Variants in EVC observed in about 807,000 individuals in gnomAD.
The protein encoded by EVC is evC complex member EVC.
EVC carries 116 observed loss-of-function variants against 118.9 expected under a neutral mutation model. That is an observed-to-expected ratio of 0.98 (90% CI 0.84 to 1.14). EVC has a LOEUF of 1.14. EVC is among the 50% of genes most tolerant of loss of function. The pLI, the probability that EVC is intolerant of heterozygous loss-of-function variation, is 0.00. For missense variants in EVC, 1,401 were observed against 1,246.4 expected, an observed-to-expected ratio of 1.12 and a Z score of -1.87; for synonymous variants, 619 against 534.7, an observed-to-expected ratio of 1.16 and a Z score of -2.18.
chr4:5,793,635 A>C lies in EVC; in HGVS notation c.1804A>C (p.Ser602Arg), dbSNP rs779847840. 1.8e-5 allele frequency: 28 copies of C among 1,551,722 alleles called. No homozygotes were observed. The highest frequency in any genetic ancestry group is 2.2e-5 in the Non-Finnish European group (25 of 1,147,338). Residue 602 changes from serine to arginine, a missense_variant, in exon 13 of 21, where the codon AGC becomes CGC. Coordinates refer to ENST00000264956, the MANE Select transcript of EVC (RefSeq NM_153717.3). ...GTGGATGGAGGAGTGTGCGCTGTCCAGCGTGCTGCAGACACACCTGCGGGA... is the reference window on the plus strand; with the variant it reads ...GTGGATGGAGGAGTGTGCGCTGTCCCGCGTGCTGCAGACACACCTGCGGGA... Reference protein sequence around the residue: ...QVWMEECALSSVLQTHLREDH... With the variant: ...QVWMEECALSRVLQTHLREDH...
rs1736006178 is a variant in EVC, at chr4:5,783,765, G to A, written c.1776+1G>A. 1 of 1,607,678 alleles carries A rather than the reference G, an allele frequency of 6.2e-7. No individual in the cohort carries two copies. The highest frequency in any genetic ancestry group is 8.5e-7 in the Non-Finnish European group (1 of 1,176,884). ...GGAGCTCCTAGAGCAAGACCAGCAG[G>A]TGCGGGCATTTGGGAACCCAGGGGC... On this transcript the variant is annotated splice_donor_variant, in intron 12 of 20. Coordinates refer to ENST00000264956, the MANE Select transcript of EVC (RefSeq NM_153717.3). LOFTEE classifies it high-confidence loss of function.
intron 16 of EVC, 62 bp from the exon 17 acceptor site, chr4:5,804,668 C>A: frequency 6.7e-7 from 1 of 1,488,680 alleles, no homozygotes; most frequent in Non-Finnish European, 9.4e-7. Flanking sequence ...GCACCTGCCC[C>A]AGACCTGGCA....
In EVC at chr4:5,777,607, T is replaced by C. The variant is rs191779466; in HGVS notation, c.1564-5945T>C. On this transcript the variant is annotated intron_variant, in intron 11 of 20. Transcript: ENST00000264956. ...TAGATCTTTGCAACTTTTATGAAGA[T>C]TTAATAATTATTTTGTCCACTTATC... Among the ~76,000 whole-genome samples the C allele has an allele frequency of 2.6e-5, 4 of 152,324 alleles. No homozygotes were observed. In the East Asian group the frequency reaches 5.8e-4, roughly 22 times the overall value.
chr4:5,792,267 G>A (rs148277069), intron 12 of EVC, among the ~76,000 whole-genome samples: 1 of 152,286 alleles, frequency 6.6e-6, no homozygotes, highest in Non-Finnish European at 1.5e-5. Context: ...TGGCATTACA[G>A]GAGACACAGC....
In EVC at chr4:5,780,006, G is replaced by T. The variant is rs1488914555; in HGVS notation, c.1564-3546G>T. ...TCATAGATAGCTCTTATTATTTTGA[G>T]ATACGTCCCATCAATACCTAATTGA... On this transcript the variant is annotated intron_variant, in intron 11 of 20. Coordinates refer to ENST00000264956, the MANE Select transcript of EVC (RefSeq NM_153717.3). Among the ~76,000 whole-genome samples, 3 of 152,136 alleles carry T rather than the reference G, an allele frequency of 2.0e-5. No homozygotes were observed. In the East Asian group the frequency reaches 5.8e-4, roughly 29 times the overall value.
rs1205290410 is a variant in EVC at position 5,755,462 on chromosome 4, C to T, written c.1465-802C>T. 6.6e-6 allele frequency among the ~76,000 whole-genome samples: 1 copy of T among 152,130 alleles called. No individual in the cohort carries two copies. The highest frequency in any genetic ancestry group is 1.5e-5 in the Non-Finnish European group (1 of 68,018). ...TGGAATGGGTGGGAGAATGAACGAACGACACCAGGCTCCCAGTACACACTC... is the reference window on the plus strand; with the variant it reads ...TGGAATGGGTGGGAGAATGAACGAATGACACCAGGCTCCCAGTACACACTC... On this transcript the variant is annotated intron_variant, in intron 10 of 20. Coordinates refer to ENST00000264956, the MANE Select transcript of EVC (RefSeq NM_153717.3). The surrounding 1 kb of genome is among the most constrained non-coding windows in gnomAD (Gnocchi z 4.1).
rs10033896 is a variant in EVC at position 5,749,382 on chromosome 4, A to C, written c.1098+1076A>C. On this transcript the variant is annotated intron_variant, in intron 8 of 20. Coordinates refer to ENST00000264956, the MANE Select transcript of EVC (RefSeq NM_153717.3). The surrounding 1 kb of genome is among the most constrained non-coding windows in gnomAD (Gnocchi z 4.4). ...AAAAGGTCCCTCCTTATTTTTGTGA[A>C]GCCTGCCAACCACAGATAAGCAAAA... Among the ~76,000 whole-genome samples, 9,877 of 150,806 alleles carry C rather than the reference A, an allele frequency of 0.065. 470 individuals are homozygous for C. Among genetic ancestry groups the C allele is most frequent in the Non-Finnish European group, 0.094 (6,378 of 67,836 alleles).
rs546364221 is a variant in EVC at position 5,779,904 on chromosome 4, A to T, written c.1564-3648A>T. Among the ~76,000 whole-genome samples, 84 of 149,606 alleles carry T rather than the reference A, an allele frequency of 5.6e-4. 1 individual carries two copies. The Admixed American group carries it at 5.6e-3, about 10-fold the overall frequency. ...TTGAATAGGAGTGGTGAGAGAGGGC[A>T]TCCCTGTCTTGTGCCAGTTTTCAAA... On this transcript the variant is annotated intron_variant, in intron 11 of 20. Transcript: ENST00000264956.
chr4:5,805,873 T>TCAGAGG (rs1285194639), intron 17 of EVC, among the ~76,000 whole-genome samples: 43 of 148,768 alleles, frequency 2.9e-4, no homozygotes, highest in Middle Eastern at 3.5e-3. Context: ...CTCCTTGAAT[T>TCAGAGG]CAGAGGCAGT....
At chr4:5,717,691 C>G (rs889510768) in intron 1 of EVC, among the ~76,000 whole-genome samples, 1 of 152,246 alleles carries the variant, frequency 6.6e-6, no homozygotes, top group Non-Finnish European at 1.5e-5. Flanking sequence ...GGCCTTTGCA[C>G]TTGCTATTCT....
Position 5,798,509 on chromosome 4 carries a change from C to T in EVC, c.2098-77C>T, listed in dbSNP as rs1434054334. ...ACCCCTGGGCCCTGGATAGGACCAG[C>T]CCCACATCCCAGTCCTGGCCAGAGC... On this transcript the variant is annotated intron_variant, in intron 14 of 20. Transcript: ENST00000264956. The surrounding 1 kb of genome is among the most constrained non-coding windows in gnomAD (Gnocchi z 4.1). The T allele has an allele frequency of 7.0e-6, 10 of 1,430,848 alleles. No individual in the cohort carries two copies. Among genetic ancestry groups the T allele is most frequent in the South Asian group, 3.7e-5 (3 of 81,694 alleles). 88.6% of individuals were successfully genotyped at this position (1,430,848 alleles called of 1,614,324 possible). A position where few individuals can be genotyped will look rare whatever the true frequency, so the allele number is the denominator to read the frequency against.
At chr4:5,716,663 C>G (rs908748575) in intron 1 of EVC, among the ~76,000 whole-genome samples, 1 of 152,218 alleles carries the variant, frequency 6.6e-6, no homozygotes, top group Admixed American at 6.5e-5. Context: ...CAAACATCTC[C>G]TGACTCTAAC....
chr4:5,752,452 C>CTG (rs768677790), intron 8 of EVC, among the ~76,000 whole-genome samples: 128 of 152,240 alleles, frequency 8.4e-4, no homozygotes, highest in Non-Finnish European at 1.4e-3. Context: ...CTTTGCATTT[C>CTG]CTCCACAGCC....
At chr4:5,809,474 C>A in intron 18 of EVC, 44 bp from the exon 19 acceptor site, 1 of 1,563,456 alleles carries the variant, frequency 6.4e-7, no homozygotes, top group Non-Finnish European at 8.8e-7. Context: ...TTAGAGAAGT[C>A]AGAGGGAGGC....
chr4:5,802,193 T>G, intron 16 of EVC, 99 bp downstream of exon 16: 2 of 1,476,618 alleles, frequency 1.4e-6, no homozygotes, highest in Non-Finnish European at 1.9e-6. Context: ...ATTTTATTTT[T>G]GGGAATATAA....
intron 17 of EVC, among the ~76,000 whole-genome samples, chr4:5,805,902 T>TTTC (rs1715815642): frequency 6.7e-6 from 1 of 150,046 alleles, no homozygotes; most frequent in South Asian, 2.1e-4. Context: ...TTTTTTTTTT[T>TTTC]TTTTTTTGAA....
In EVC at chr4:5,719,371, G is replaced by A; in HGVS notation, c.298G>A (p.Asp100Asn). Residue 100 changes from aspartate to asparagine, a missense_variant and splice_region_variant, in exon 2 of 21, where the codon GAT becomes AAT. Coordinates refer to ENST00000264956, the MANE Select transcript of EVC (RefSeq NM_153717.3). This position sits in a 1 kb window ranked among gnomAD's most constrained non-coding sequence, Gnocchi z 4.7. ...GATGTCGAAGGACAAGGAAGCTGTTGATGTAAGCTTGGTGTTGATGTTTGT... is the reference window on the plus strand; with the variant it reads ...GATGTCGAAGGACAAGGAAGCTGTTAATGTAAGCTTGGTGTTGATGTTTGT... Reference protein sequence around the residue: ...VQMSKDKEAVDECEPPSNSNI... With the variant: ...VQMSKDKEAVNECEPPSNSNI... 1.2e-6 allele frequency: 2 copies of A among 1,614,186 alleles called. No individual in the cohort carries two copies. Among genetic ancestry groups the A allele is most frequent in the Non-Finnish European group, 1.7e-6 (2 of 1,180,022 alleles).
chr4:5,797,549 G>C, intron 14 of EVC: 1 of 496,110 alleles, frequency 2.0e-6, no homozygotes, highest in Non-Finnish European at 3.7e-6. Context: ...TCCTCTGTGG[G>C]TGTCCCATCT....
chr4:5,828,521 G>A, the EVC span: 1 of 1,614,226 alleles, frequency 6.2e-7, no homozygotes, highest in Non-Finnish European at 8.5e-7. Context: ...TGGTACAGGT[G>A]CTCCGGGAAC....
Sources: gnomAD v4.1 joint callset for allele counts (sites outside exome capture counted in the v4.1 genomes callset) on GRCh38, gnomAD v4.1.1 for gene constraint, Gnocchi (gnomAD v3.1) non-coding constraint, MANE v1.5 for transcripts, NCBI Gene and HGNC (gene_info 2026-07-23, HGNC 2026-07-21) for gene names.